Variants in TRPS1 observed in about 807,000 individuals in gnomAD.
TRPS1 encodes the protein zinc finger transcription factor Trps1.
Under a neutral mutation model 101.2 loss-of-function variants are expected in TRPS1, and 6 were observed. The ratio of observed to expected loss-of-function variants is 0.06; its 90% CI spans 0.03 to 0.12. TRPS1 has a LOEUF of 0.12. Ranked by LOEUF, TRPS1 falls within the 10% of genes least tolerant of loss-of-function variation. The pLI, the probability that TRPS1 is intolerant of heterozygous loss-of-function variation, is 1.00. For synonymous variants in TRPS1, 578 were observed against 589.8 expected (o/e 0.98, Z 0.29); for missense variants, 1,363 against 1,567.0 (o/e 0.87, Z 2.20).
intron 5 of TRPS1, among the ~76,000 whole-genome samples, chr8:115,445,686 C>T (rs1813715303): frequency 6.6e-6 from 1 of 152,048 alleles, no homozygotes; most frequent in Admixed American, 6.6e-5. Context: ...GAAAAACAGG[C>T]ACACTAACTT....
intron 5 of TRPS1, among the ~76,000 whole-genome samples, chr8:115,542,877 T>A (rs1816486208): frequency 6.6e-6 from 1 of 152,166 alleles, no homozygotes; most frequent in African/African-American, 2.4e-5. Context: ...TATGACCTAC[T>A]CTGAAATAAT....
chr8:115,440,406 G>C (rs968907748), intron 5 of TRPS1, among the ~76,000 whole-genome samples: 1 of 152,196 alleles, frequency 6.6e-6, no homozygotes, highest in African/African-American at 2.4e-5. Flanking sequence ...GCACACAGCT[G>C]TACACTGAAT....
chr8:115,446,501 G>A (rs1338099639), intron 5 of TRPS1, among the ~76,000 whole-genome samples: 1 of 152,078 alleles, frequency 6.6e-6, no homozygotes, highest in East Asian at 1.9e-4. Flanking sequence ...TGAGGCAGAA[G>A]GCTGCTTCAG....
intron 1 of TRPS1, 24 bp from the exon 2 acceptor site, chr8:115,623,782 A>G: frequency 7.0e-7 from 1 of 1,433,600 alleles, no homozygotes; most frequent in Non-Finnish European, 9.1e-7. Context: ...CAAAAGAAAA[A>G]TTTTCCTTCC....
rs113783955 is a variant in TRPS1 at position 115,541,113 on chromosome 8, T to C, written c.2700+45888A>G. Among the ~76,000 whole-genome samples, 78 of 152,344 alleles carry C rather than the reference T, an allele frequency of 5.1e-4. 1 individual carries two copies. Among genetic ancestry groups the C allele is most frequent in the African/African-American group, 1.8e-3 (74 of 41,596 alleles). On this transcript the variant is annotated intron_variant, in intron 5 of 6. Transcript: ENST00000395715. ...GGTTTGGAACAATCCCCAACAACTC[T>C]TGGTGAACGTACAGGTCAACTAATA...
intron 5 of TRPS1, among the ~76,000 whole-genome samples, chr8:115,471,551 C>T (rs1028837858): frequency 6.6e-6 from 1 of 152,098 alleles, no homozygotes; most frequent in African/African-American, 2.4e-5. Flanking sequence ...CTGACCCCTC[C>T]CAAATCTCAT....
At chr8:115,603,293 T>G (rs1817951149) in intron 4 of TRPS1, among the ~76,000 whole-genome samples, 1 of 152,178 alleles carries the variant, frequency 6.6e-6, no homozygotes, top group African/African-American at 2.4e-5. Flanking sequence ...TTTACCTGCT[T>G]GGAGGAGCAA....
At chr8:115,530,188 A>G (rs1175079703) in intron 5 of TRPS1, among the ~76,000 whole-genome samples, 1 of 152,176 alleles carries the variant, frequency 6.6e-6, no homozygotes, top group African/African-American at 2.4e-5. Context: ...ATAATATTCC[A>G]TAATATTCCA....
chr8:115,414,434 GGGATAA>G lies in TRPS1; in HGVS notation c.3468_3473del (p.Tyr1157_Pro1158del). 3 of 1,613,944 alleles carry G rather than the reference GGGATAA, an allele frequency of 1.9e-6. No individual in the cohort carries two copies. The highest frequency in any genetic ancestry group is 2.5e-6 in the Non-Finnish European group (3 of 1,179,962). On this transcript the variant is annotated inframe_deletion, in exon 7 of 7. Transcript: ENST00000395715. The surrounding 1 kb of genome is among the most constrained non-coding windows in gnomAD (Gnocchi z 4.8). ...AAAAATGAGGAGGCAGATTGAAGGT[GGGATAA>G]GGCACATAGTTTTGGCAAGGATTTG...
In TRPS1 at chr8:115,604,306, C is replaced by T; in HGVS notation, c.1663G>A (p.Val555Ile). Residue 555 changes from valine (V) to isoleucine (I), a missense_variant, in exon 4 of 7, where the codon GTA becomes ATA. By Grantham distance (29) the Val-to-Ile change is conservative. Around this residue, in one of 5 missense-constraint regions of TRPS1, gnomAD observed 1,020 missense variants for 1,073.0 expected, o/e 0.95. Transcript: ENST00000395715. This position sits in a 1 kb window ranked among gnomAD's most constrained non-coding sequence, Gnocchi z 4.1. ...YSKSHGPDVI[V>I]VGPLLRHYQQ... ...TAATGACGGAGAAGTGGCCCCACTACAATTACATCAGGGCCATGGCTTTTG... is the reference window on the plus strand; with the variant it reads ...TAATGACGGAGAAGTGGCCCCACTATAATTACATCAGGGCCATGGCTTTTG... 6.2e-7 allele frequency: 1 copy of T among 1,614,094 alleles called. No individual in the cohort carries two copies.
At chr8:115,579,331 C>T (rs898939302) in intron 5 of TRPS1, among the ~76,000 whole-genome samples, 2 of 152,028 alleles carry the variant, frequency 1.3e-5, no homozygotes, top group African/African-American at 4.8e-5. Context: ...CACCTACAAA[C>T]AGGTATTCTT....
intron 5 of TRPS1, among the ~76,000 whole-genome samples, chr8:115,495,218 G>A (rs531767262): frequency 6.6e-6 from 1 of 152,172 alleles, no homozygotes; most frequent in African/African-American, 2.4e-5. Flanking sequence ...GAATCACAAG[G>A]TATCTCTTCA....
At position 115,413,499 on chromosome 8, in the gene TRPS1, G is replaced by A. The variant is rs1812836843; in HGVS notation, c.*524C>T. On this transcript the variant is annotated 3_prime_UTR_variant, in exon 7 of 7. Transcript: ENST00000395715. ...ATCTGAAACATGGCCAATGAGAGAA[G>A]ACTAAATTGAGAGGGCGCCATTTTT... The A allele has an allele frequency of 6.5e-6, 1 of 153,236 alleles. No individual in the cohort carries two copies. The highest frequency in any genetic ancestry group is 1.5e-5 in the Non-Finnish European group (1 of 68,588). 9.5% of individuals were successfully genotyped at this position (153,236 alleles called of 1,614,324 possible). A position where few individuals can be genotyped will look rare whatever the true frequency, so the allele number is the denominator to read the frequency against.
rs943184359 is a variant in TRPS1, at chr8:115,668,738, A to AGAGAGG, written c.-316_-315insCCTCTC. ...AAAAAAGAGAGAGAGAGAGAGAGAG[A>AGAGAGG]GAGAAAGAGAAAGGAAATAGAGCAA... On this transcript the variant is annotated 5_prime_UTR_variant, in exon 1 of 7. Transcript: ENST00000395715. The AGAGAGG allele has an allele frequency of 6.9e-6, 1 of 144,884 alleles. No individual in the cohort carries two copies. The highest frequency in any genetic ancestry group is 1.5e-5 in the Non-Finnish European group (1 of 66,284). The allele number at this position is 144,884 out of a possible 1,614,324, so 9.0% of individuals were successfully genotyped here.
chr8:115,642,842 G>GA (rs55943562), intron 1 of TRPS1, among the ~76,000 whole-genome samples: 32,924 of 143,128 alleles, frequency 0.23, 7,719 homozygotes, highest in African/African-American at 0.6. Context: ...CTTACTTCGT[G>GA]AAAAAAAATA....
intron 5 of TRPS1, among the ~76,000 whole-genome samples, chr8:115,568,168 T>A (rs1233246158): frequency 1.3e-5 from 2 of 151,768 alleles, no homozygotes; most frequent in African/African-American, 4.8e-5. Context: ...ATTATTGTAC[T>A]CCCCCAGCAA....
chr8:115,640,524 T>G (rs554755551), intron 1 of TRPS1, among the ~76,000 whole-genome samples: 1 of 152,202 alleles, frequency 6.6e-6, no homozygotes, highest in Non-Finnish European at 1.5e-5. Flanking sequence ...AACTGTTATC[T>G]GTCAGTGTTG....
At chr8:115,665,477 T>C (rs1048104437) in intron 1 of TRPS1, among the ~76,000 whole-genome samples, 6 of 152,186 alleles carry the variant, frequency 3.9e-5, no homozygotes, top group Non-Finnish European at 8.8e-5. Flanking sequence ...GTCTTCCTTA[T>C]GAATGAATAT....
At chr8:115,470,764 T>A (rs2130013788) in intron 5 of TRPS1, among the ~76,000 whole-genome samples, 1 of 152,310 alleles carries the variant, frequency 6.6e-6, no homozygotes. Context: ...AACATATCAA[T>A]GATTCATATT....
Sources: allele counts gnomAD v4.1 joint callset (sites outside exome capture counted in the v4.1 genomes callset), GRCh38; gene constraint gnomAD v4.1.1; regional missense constraint gnomAD v4.1.1; non-coding constraint Gnocchi (gnomAD v3.1); transcripts MANE v1.5; gene names NCBI Gene and HGNC (gene_info 2026-07-23, HGNC 2026-07-21).